Variants in PPM1B observed in about 807,000 individuals in gnomAD.
PPM1B encodes the protein protein phosphatase 1B.
PPM1B carries 22 observed loss-of-function variants against 43.0 expected under a neutral mutation model. The ratio of observed to expected loss-of-function variants is 0.51; its 90% CI spans 0.37 to 0.73. The LOEUF is 0.73. Ranked by LOEUF, PPM1B falls within the 30% of genes least tolerant of loss-of-function variation. PPM1B has a pLI of 0.00. For missense variants in PPM1B, 632 were observed against 584.2 expected, an observed-to-expected ratio of 1.08 and a Z score of -0.84; for synonymous variants, 217 against 197.9, an observed-to-expected ratio of 1.10 and a Z score of -0.81.
chr2:44,224,712 T>G (rs1247920094), intron 5 of PPM1B, among the ~76,000 whole-genome samples: 1 of 151,978 alleles, frequency 6.6e-6, no homozygotes, highest in Non-Finnish European at 1.5e-5. Context: ...AAAACTAGGG[T>G]GGATGGGAGA....
At chr2:44,180,553 C>G (rs775302367) in intron 1 of PPM1B, among the ~76,000 whole-genome samples, 13 of 152,068 alleles carry the variant, frequency 8.5e-5, no homozygotes, top group Non-Finnish European at 1.8e-4. Flanking sequence ...TTTAATATTT[C>G]TGGGAATGTT....
At chr2:44,222,887 A>G (rs932444926) in intron 5 of PPM1B, among the ~76,000 whole-genome samples, 2 of 152,100 alleles carry the variant, frequency 1.3e-5, no homozygotes, top group Non-Finnish European at 2.9e-5. Flanking sequence ...CTGGAGTGCT[A>G]TGGCACCATC....
intron 1 of PPM1B, among the ~76,000 whole-genome samples, chr2:44,179,496 T>G (rs1182506707): frequency 6.6e-6 from 1 of 152,038 alleles, no homozygotes; most frequent in African/African-American, 2.4e-5. Context: ...CTCTCTCTCT[T>G]TTTTTTAATC....
rs753359293 is a variant in PPM1B at position 44,201,510 on chromosome 2, A to G, written c.311A>G (p.Asn104Ser). The change falls in exon 2 of 6, where the codon AAT becomes AGT. Residue 104 changes from asparagine to serine, a missense_variant. Physicochemically the swap from Asn to Ser is conservative, Grantham distance 46. Transcript: ENST00000282412. This position sits in a 1 kb window ranked among gnomAD's most constrained non-coding sequence, Gnocchi z 5.4. ...GAGCTTTCAGTGGAAAATGTTAAGA[A>G]TGGTATCAGAACTGGATTTTTGAAA... ...ALELSVENVK[N>S]GIRTGFLKID... is the part of the protein sequence containing the mutation. 6.2e-6 allele frequency: 10 copies of G among 1,614,094 alleles called. No homozygotes were observed. In the South Asian group the frequency reaches 8.8e-5, roughly 14 times the overall value.
At chr2:44,245,345 T>C (rs931682834), downstream of PPM1B, among the ~76,000 whole-genome samples, 1 of 152,176 alleles carries the variant, frequency 6.6e-6, no homozygotes, top group African/African-American at 2.4e-5. Flanking sequence ...TTCAGCAGCC[T>C]CTAGTGTGAG....
chr2:44,224,449 C>A (rs199961130), intron 5 of PPM1B, among the ~76,000 whole-genome samples: 1 of 114,562 alleles, frequency 8.7e-6, no homozygotes, highest in East Asian at 2.2e-4. Flanking sequence ...AGCAAGACTC[C>A]GTCTCCAAAA....
At position 44,241,006 on chromosome 2, in the gene PPM1B, ATTTTTTT is replaced by A. The variant is rs113990864; in HGVS notation, n.1547-3214_1547-3208del. Among the ~76,000 whole-genome samples, 2 of 133,704 alleles carry A rather than the reference ATTTTTTT, an allele frequency of 1.5e-5. 1 individual carries two copies. The highest frequency in any genetic ancestry group is 5.3e-5 in the African/African-American group (2 of 37,882). 87.7% of individuals were successfully genotyped at this position (133,704 alleles called of 152,430 possible). ...GAAATTGGGAAGCATCTTTATTTTT[ATTTTTTT>A]TTTTTTTGAGACGGAGTTTCACTCT... On this transcript the variant is annotated intron_variant and non_coding_transcript_variant, in intron 5 of 5. Transcript: ENST00000378540.
chr2:44,208,960 G>A (rs1041314204), intron 2 of PPM1B, among the ~76,000 whole-genome samples: 5 of 152,150 alleles, frequency 3.3e-5, no homozygotes, highest in African/African-American at 1.2e-4. Flanking sequence ...TCATTTCTCA[G>A]ACTGGAATGG....
At chr2:44,192,190 G>GGTGTTGTATT (rs1553329838) in intron 1 of PPM1B, among the ~76,000 whole-genome samples, 1 of 143,642 alleles carries the variant, frequency 7.0e-6, no homozygotes, top group East Asian at 2.1e-4. Context: ...GTTATGTTAT[G>GGTGTTGTATT]GTATTGTATT....
At chr2:44,226,785 G>GGTT (rs1293288271) in intron 5 of PPM1B, among the ~76,000 whole-genome samples, 3 of 140,592 alleles carry the variant, frequency 2.1e-5, no homozygotes, top group Non-Finnish European at 4.6e-5. Context: ...GGGGGAAGAG[G>GGTT]GTTGTAGGCC....
At chr2:44,226,735 C>CTTTTTTTTTTTTTATT (rs1670230532) in intron 5 of PPM1B, among the ~76,000 whole-genome samples, 1 of 66,692 alleles carries the variant, frequency 1.5e-5, no homozygotes, top group Non-Finnish European at 2.6e-5. Context: ...AGGTTTTTAT[C>CTTTTTTTTTTTTTATT]TTTTTTTTTT....
intron 5 of PPM1B, among the ~76,000 whole-genome samples, chr2:44,225,215 G>A (rs551503081): frequency 6.6e-6 from 1 of 152,320 alleles, no homozygotes; most frequent in East Asian, 1.9e-4. Flanking sequence ...TTAGATGGTA[G>A]GAGGACATAG....
chr2:44,205,593 A>G lies in PPM1B; in HGVS notation c.846+3548A>G, dbSNP rs532693357. Among the ~76,000 whole-genome samples the G allele has an allele frequency of 2.6e-5, 4 of 152,312 alleles. No homozygotes were observed. The South Asian group carries it at 8.3e-4, about 32-fold the overall frequency. On this transcript the variant is annotated intron_variant, in intron 2 of 5. Coordinates refer to ENST00000282412, the MANE Select transcript of PPM1B (RefSeq NM_002706.6). ...TGGTTCTCTGTGATTATTGATAGAAATGTATAAACGTAAAATAGGATTTTT... is the reference window on the plus strand; with the variant it reads ...TGGTTCTCTGTGATTATTGATAGAAGTGTATAAACGTAAAATAGGATTTTT...
chr2:44,176,188 C>T (rs1192873464), intron 1 of PPM1B, among the ~76,000 whole-genome samples: 2 of 152,014 alleles, frequency 1.3e-5, no homozygotes, highest in African/African-American at 2.4e-5. Context: ...TACTGTACAT[C>T]CTTGGATAGA....
intron 3 of PPM1B, among the ~76,000 whole-genome samples, chr2:44,214,017 A>G (rs1456495397): frequency 6.6e-6 from 1 of 152,194 alleles, no homozygotes; most frequent in African/African-American, 2.4e-5. Flanking sequence ...AACTTATCCA[A>G]CTTGCTTAAC....
intron 2 of PPM1B, among the ~76,000 whole-genome samples, chr2:44,204,719 C>CCAA (rs1669087257): frequency 6.6e-6 from 1 of 151,484 alleles, no homozygotes; most frequent in African/African-American, 2.4e-5. Flanking sequence ...ATCGGCCGGG[C>CCAA]GTTGTGGTGG....
chr2:44,224,577 C>G (rs1379429804), intron 5 of PPM1B, among the ~76,000 whole-genome samples: 1 of 151,996 alleles, frequency 6.6e-6, no homozygotes, highest in East Asian at 1.9e-4. Context: ...GTTCCCTTCC[C>G]CCTCCTATTA....
chr2:44,216,663 C>T (rs1457484883), intron 3 of PPM1B, among the ~76,000 whole-genome samples: 3 of 152,176 alleles, frequency 2.0e-5, no homozygotes, highest in Non-Finnish European at 2.9e-5. Flanking sequence ...CGTGGTGGCT[C>T]AGGCCTCTAA....
At chr2:44,195,770 T>A (rs937313027) in intron 1 of PPM1B, among the ~76,000 whole-genome samples, 5 of 152,200 alleles carry the variant, frequency 3.3e-5, no homozygotes, top group African/African-American at 9.7e-5. Context: ...TGAACAAGAC[T>A]TAGTGACTTT....
Sources: gnomAD v4.1 joint callset for allele counts (sites outside exome capture counted in the v4.1 genomes callset) on GRCh38, gnomAD v4.1.1 for gene constraint, Gnocchi (gnomAD v3.1) non-coding constraint, MANE v1.5 for transcripts, NCBI Gene and HGNC (gene_info 2026-07-23, HGNC 2026-07-21) for gene names.